The following OCA2 variants were observed in gnomAD, a reference collection of about 807,000 sequenced individuals.
OCA2 encodes the protein P protein.
Under a neutral mutation model 100.2 loss-of-function variants are expected in OCA2, and 77 were observed. The observed-to-expected ratio is 0.77, with a 90% confidence interval of 0.64 to 0.93. OCA2 has a LOEUF of 0.93. Ranked by LOEUF, OCA2 falls within the 40% of genes least tolerant of loss-of-function variation. OCA2 has a pLI of 0.00. For synonymous variants in OCA2, 432 were observed against 439.2 expected, an observed-to-expected ratio of 0.98 and a Z score of 0.21; for missense variants, 1,062 against 1,089.1, an observed-to-expected ratio of 0.98 and a Z score of 0.35.
downstream of OCA2, among the ~76,000 whole-genome samples, chr15:27,751,179 C>A (rs1437677355): frequency 2.6e-5 from 4 of 152,174 alleles, no homozygotes; most frequent in Non-Finnish European, 5.9e-5. Context: ...GTCCTTAAGA[C>A]AGAATAGAGG....
At chr15:27,940,208 A>C (rs939534508) in intron 18 of OCA2, among the ~76,000 whole-genome samples, 3 of 152,268 alleles carry the variant, frequency 2.0e-5, no homozygotes, top group African/African-American at 4.8e-5. Context: ...CTAAAGTACC[A>C]GATAAAACAT....
chr15:28,073,874 G>A (rs2044342531), intron 2 of OCA2, among the ~76,000 whole-genome samples: 1 of 152,150 alleles, frequency 6.6e-6, no homozygotes, highest in Admixed American at 6.5e-5. Context: ...GATGGCAGGG[G>A]GAGGGGTATG....
chr15:27,951,759 T>C (rs772655059), intron 18 of OCA2, 25 bp downstream of exon 18: 212 of 1,481,270 alleles, frequency 1.4e-4, no homozygotes, highest in Middle Eastern at 1.4e-3. Flanking sequence ...ACAAAGCCTA[T>C]GAACCAAAGC....
chr15:27,878,003 A>G (rs1012499608), intron 19 of OCA2, among the ~76,000 whole-genome samples: 6 of 150,424 alleles, frequency 4.0e-5, no homozygotes, highest in Admixed American at 6.6e-5. Context: ...TTAAATATTA[A>G]TATTTTAATT....
At chr15:28,097,486 C>T (rs1402678063) in intron 1 of OCA2, among the ~76,000 whole-genome samples, 2 of 152,208 alleles carry the variant, frequency 1.3e-5, no homozygotes, top group Non-Finnish European at 2.9e-5. Context: ...GCCCCCTGGC[C>T]TCCAGGCTCT....
chr15:27,883,793 T>C (rs1165400195), intron 19 of OCA2, among the ~76,000 whole-genome samples: 3 of 152,224 alleles, frequency 2.0e-5, no homozygotes, highest in African/African-American at 7.2e-5. Flanking sequence ...CCTGCGTTTC[T>C]GTGCTGATGC....
At chr15:27,920,226 A>T (rs117334955) in intron 19 of OCA2, among the ~76,000 whole-genome samples, 1 of 152,282 alleles carries the variant, frequency 6.6e-6, no homozygotes, top group East Asian at 1.9e-4. Flanking sequence ...CTGCTGTCAC[A>T]TTAGATTAAA....
chr15:27,986,726 T>A, intron 11 of OCA2, 83 bp from the exon 12 acceptor site: 1 of 937,110 alleles, frequency 1.1e-6, no homozygotes, highest in South Asian at 1.3e-5. Context: ...CTTACACATT[T>A]GAGCTCTGGC....
intron 13 of OCA2, among the ~76,000 whole-genome samples, chr15:27,983,685 C>A (rs550966741): frequency 2.6e-4 from 40 of 152,280 alleles, no homozygotes; most frequent in Middle Eastern, 6.8e-3. Flanking sequence ...AGTTACATTC[C>A]TTTCCAGAGT....
intron 16 of OCA2, among the ~76,000 whole-genome samples, chr15:27,955,634 A>G (rs1182422255): frequency 6.6e-6 from 1 of 152,190 alleles, no homozygotes; most frequent in African/African-American, 2.4e-5. Flanking sequence ...AACTAAAGAA[A>G]AACGTGGTAA....
chr15:27,913,891 G>A (rs1420179170), intron 19 of OCA2, among the ~76,000 whole-genome samples: 7 of 42,064 alleles, frequency 1.7e-4, no homozygotes, highest in Admixed American at 2.8e-4. Context: ...AAGAAAGAAA[G>A]AAAGCAAGCA....
intron 10 of OCA2, 42 bp from the exon 11 acceptor site, chr15:27,989,708 C>G: frequency 6.3e-7 from 1 of 1,578,356 alleles, no homozygotes; most frequent in Non-Finnish European, 8.7e-7. Context: ...CCGTGCGCCG[C>G]CATCCCAGTG....
chr15:27,766,655 C>T (rs1249125696), intron 23 of OCA2, among the ~76,000 whole-genome samples: 9 of 152,198 alleles, frequency 5.9e-5, no homozygotes, highest in Admixed American at 5.9e-4. Context: ...GTCCTCTCAC[C>T]TACCTTTGGC....
At chr15:27,964,584 T>C (rs114810931) in intron 15 of OCA2, among the ~76,000 whole-genome samples, 410 of 152,172 alleles carry the variant, frequency 2.7e-3, no homozygotes, top group African/African-American at 9.0e-3. Flanking sequence ...TGCCAGTCCA[T>C]TGGGGAGGGG....
the OCA2 span, among the ~76,000 whole-genome samples, chr15:27,733,745 AAC>A: frequency 6.6e-6 from 1 of 152,130 alleles, no homozygotes; most frequent in Non-Finnish European, 1.5e-5. Context: ...AATAATGAAA[AAC>A]AGCCATAAAA....
intron 14 of OCA2, among the ~76,000 whole-genome samples, chr15:27,979,662 A>G (rs2041081941): frequency 6.6e-6 from 1 of 150,622 alleles, no homozygotes; most frequent in African/African-American, 2.4e-5. Context: ...TTCAAATTAT[A>G]TTAGTTTACA....
intron 23 of OCA2, among the ~76,000 whole-genome samples, chr15:27,770,082 T>G (rs555527314): frequency 6.6e-6 from 1 of 152,272 alleles, no homozygotes; most frequent in South Asian, 2.1e-4. Context: ...GGGCCTGCAG[T>G]GCCCCCCACC....
intron 22 of OCA2, among the ~76,000 whole-genome samples, chr15:27,846,052 G>A (rs896076072): frequency 2.0e-5 from 3 of 152,140 alleles, no homozygotes; most frequent in Non-Finnish European, 4.4e-5. Flanking sequence ...GGCTCCAAAG[G>A]AAGATCAGTG....
chr15:27,773,490 G>A (rs2032011745), intron 23 of OCA2, among the ~76,000 whole-genome samples: 1 of 152,174 alleles, frequency 6.6e-6, no homozygotes, highest in Non-Finnish European at 1.5e-5. Context: ...CATTTGTTCA[G>A]ATATGTTTGG....
Sources: allele counts gnomAD v4.1 joint callset (sites outside exome capture counted in the v4.1 genomes callset), GRCh38; gene constraint gnomAD v4.1.1; transcripts MANE v1.5; gene names NCBI Gene and HGNC (gene_info 2026-07-23, HGNC 2026-07-21).